The following MAGI2 variants were observed in gnomAD, a reference collection of about 807,000 sequenced individuals.
MAGI2 encodes the protein membrane-associated guanylate kinase, WW and PDZ domain-containing protein 2.
A neutral mutation model predicts 133.3 loss-of-function variants in MAGI2; 35 were observed. The observed-to-expected ratio is 0.26, with a 90% CI of 0.20 to 0.35. MAGI2 has a LOEUF of 0.35. Among genes scored for constraint, MAGI2 ranks in the 10% least tolerant of loss-of-function variants. The pLI is 1.00. For missense variants in MAGI2, 1,636 were observed against 1,863.4 expected (o/e 0.88, Z 2.25); for synonymous variants, 729 against 710.6 (o/e 1.03, Z -0.41).
At position 79,169,859 on chromosome 7, in the gene MAGI2, C is replaced by CT. The variant is rs960669958; in HGVS notation, c.302-162654dup. Among the ~76,000 whole-genome samples the CT allele has an allele frequency of 5.8e-4, 87 of 150,992 alleles. 2 individuals carry two copies. The highest frequency in any genetic ancestry group is 5.5e-3 in the East Asian group (28 of 5,112). ...CAGGAGGGGTGATTAGCTTCTCTCT[C>CT]TTTTTTTTTGTCTTTTTAACTTTTA... On this transcript the variant is annotated intron_variant, in intron 1 of 21. Transcript: ENST00000354212.
intron 10 of MAGI2, among the ~76,000 whole-genome samples, chr7:78,213,425 C>T (rs980722795): frequency 6.6e-6 from 1 of 152,166 alleles, no homozygotes; most frequent in Admixed American, 6.5e-5. Flanking sequence ...TCCCTACGAT[C>T]AATATTTATC....
rs1838278453 is a variant in MAGI2 at position 79,311,368 on chromosome 7, A to G, written c.301+141652T>C. 2.0e-5 allele frequency among the ~76,000 whole-genome samples: 3 copies of G among 152,264 alleles called. No homozygotes were observed. In the South Asian group the frequency reaches 6.2e-4, roughly 32 times the overall value. On this transcript the variant is annotated intron_variant, in intron 1 of 21. Coordinates refer to ENST00000354212, the MANE Select transcript of MAGI2 (RefSeq NM_012301.4). ...ACATAAATCACCAAAAAATTCTCAT[A>G]GCGTTTTAAGAAAATTTATGAATTT... is the stretch of plus-strand genomic sequence containing the variant.
chr7:79,327,739 C>T (rs554643748), intron 1 of MAGI2, among the ~76,000 whole-genome samples: 10 of 152,112 alleles, frequency 6.6e-5, no homozygotes, highest in African/African-American at 2.4e-4. Flanking sequence ...ATAAACACAA[C>T]ACACTCTTTA....
At chr7:78,266,447 C>T (rs1302579055) in intron 9 of MAGI2, among the ~76,000 whole-genome samples, 1 of 152,086 alleles carries the variant, frequency 6.6e-6, no homozygotes, top group Non-Finnish European at 1.5e-5. Context: ...AAGCAATCTG[C>T]CCACCTTGGC....
intron 1 of MAGI2, among the ~76,000 whole-genome samples, chr7:79,427,594 G>A (rs907098869): frequency 1.3e-5 from 2 of 152,128 alleles, no homozygotes; most frequent in South Asian, 4.1e-4. Flanking sequence ...TTGAGGAAGG[G>A]AGAGAAGGAT....
chr7:79,395,394 T>C (rs756289595), intron 1 of MAGI2, among the ~76,000 whole-genome samples: 1 of 152,172 alleles, frequency 6.6e-6, no homozygotes, highest in Non-Finnish European at 1.5e-5. Flanking sequence ...AGAAAGCTTA[T>C]AATTGGTATC....
chr7:79,117,895 A>T (rs1819546779), intron 1 of MAGI2, among the ~76,000 whole-genome samples: 1 of 152,216 alleles, frequency 6.6e-6, no homozygotes, highest in African/African-American at 2.4e-5. Flanking sequence ...AACATGAGCC[A>T]TAACTCTTAC....
At chr7:78,494,351 T>C (rs1275588743) in intron 5 of MAGI2, among the ~76,000 whole-genome samples, 1 of 152,160 alleles carries the variant, frequency 6.6e-6, no homozygotes, top group Non-Finnish European at 1.5e-5. Context: ...AATCTACATA[T>C]GAATATTTGG....
intron 6 of MAGI2, among the ~76,000 whole-genome samples, chr7:78,382,075 A>C (rs909878730): frequency 6.6e-6 from 1 of 152,224 alleles, no homozygotes; most frequent in Non-Finnish European, 1.5e-5. Context: ...TTAAATGTAC[A>C]TGATATGTGC....
chr7:78,811,777 G>A (rs962071065), intron 2 of MAGI2, among the ~76,000 whole-genome samples: 3 of 152,202 alleles, frequency 2.0e-5, no homozygotes, highest in Non-Finnish European at 4.4e-5. Flanking sequence ...AAAGAGTGGT[G>A]TGGTAGGCTG....
intron 6 of MAGI2, among the ~76,000 whole-genome samples, chr7:78,403,508 T>C (rs892357021): frequency 6.7e-6 from 1 of 149,926 alleles, no homozygotes; most frequent in Non-Finnish European, 1.5e-5. Flanking sequence ...CCTTTGGGTA[T>C]ATACCCAGTA....
intron 2 of MAGI2, among the ~76,000 whole-genome samples, chr7:78,769,926 A>G (rs1420375894): frequency 1.3e-5 from 2 of 152,088 alleles, no homozygotes; most frequent in African/African-American, 4.8e-5. Context: ...GACACTTCTG[A>G]GTCAAAGGGG....
At chr7:79,299,018 C>T (rs1837169096) in intron 1 of MAGI2, among the ~76,000 whole-genome samples, 1 of 152,078 alleles carries the variant, frequency 6.6e-6, no homozygotes, top group African/African-American at 2.4e-5. Flanking sequence ...GCAGCCCTAG[C>T]AAACTAGGCA....
intron 1 of MAGI2, among the ~76,000 whole-genome samples, chr7:79,151,284 A>T (rs919863447): frequency 6.6e-6 from 1 of 152,140 alleles, no homozygotes; most frequent in African/African-American, 2.4e-5. Context: ...GTAGCATACA[A>T]AATGTGCTTT....
At chr7:78,378,584 A>G (rs2151286147) in intron 6 of MAGI2, among the ~76,000 whole-genome samples, 1 of 152,138 alleles carries the variant, frequency 6.6e-6, no homozygotes, top group East Asian at 1.9e-4. Flanking sequence ...CATTTTAAAG[A>G]CTCTCAAAGA....
chr7:78,261,500 T>G (rs559567911), intron 9 of MAGI2, among the ~76,000 whole-genome samples: 1 of 152,298 alleles, frequency 6.6e-6, no homozygotes, highest in Non-Finnish European at 1.5e-5. Context: ...CTACACTATA[T>G]ACAGAGCATC....
At chr7:79,171,758 A>ATG (rs1825592532) in intron 1 of MAGI2, among the ~76,000 whole-genome samples, 2 of 31,694 alleles carry the variant, frequency 6.3e-5, no homozygotes, top group Non-Finnish European at 2.0e-4. Context: ...ATATATATAT[A>ATG]TATATATATA....
At chr7:78,444,131 G>A (rs114619537) in intron 6 of MAGI2, among the ~76,000 whole-genome samples, 1 of 152,026 alleles carries the variant, frequency 6.6e-6, no homozygotes, top group East Asian at 1.9e-4. Flanking sequence ...TTGAGCTTTA[G>A]TCAGAACACT....
chr7:78,064,138 T>G (rs1363352515), intron 21 of MAGI2, among the ~76,000 whole-genome samples: 1 of 152,262 alleles, frequency 6.6e-6, no homozygotes, highest in Non-Finnish European at 1.5e-5. Context: ...GTCATTGGAC[T>G]AGATTTCCCC....
Sources: allele counts gnomAD v4.1 joint callset (sites outside exome capture counted in the v4.1 genomes callset), GRCh38; gene constraint gnomAD v4.1.1; transcripts MANE v1.5; gene names NCBI Gene and HGNC (gene_info 2026-07-23, HGNC 2026-07-21).